The following CELF2 variants were observed in gnomAD, a reference collection of about 807,000 sequenced individuals.
The protein encoded by CELF2 is CUGBP Elav-like family member 2.
Under a neutral mutation model 62.6 loss-of-function variants are expected in CELF2, and 8 were observed. The observed-to-expected ratio is 0.13, with a 90% CI of 0.07 to 0.23. CELF2 has a LOEUF of 0.23. CELF2 is among the 10% of genes least tolerant of loss of function. The pLI, the probability that CELF2 is intolerant of heterozygous loss-of-function variation, is 1.00. For synonymous variants in CELF2, 258 were observed against 250.0 expected (o/e 1.03, Z -0.30); for missense variants, 333 against 671.0 (o/e 0.50, Z 5.56).
At position 11,281,133 on chromosome 10, in the gene CELF2, G is replaced by A. The variant is rs541722542; in HGVS notation, c.841+6013G>A. The stretch of plus-strand genomic sequence containing the variant: ...CACTGCCCCACCCCCAGGCTGTCAT[G>A]CAGTGATTTTCCACTACCACTTGTA... On this transcript the variant is annotated intron_variant, in intron 8 of 12. Coordinates refer to ENST00000633077, the MANE Select transcript of CELF2 (RefSeq NM_001326342.2). Among the ~76,000 whole-genome samples, 19 of 152,222 alleles carry A rather than the reference G, an allele frequency of 1.2e-4. No homozygotes were observed. The East Asian group carries it at 3.5e-3, about 28-fold the overall frequency.
chr10:10,822,904 A>T (rs1186634184), intron 1 of CELF2, among the ~76,000 whole-genome samples: 1 of 152,262 alleles, frequency 6.6e-6, no homozygotes, highest in Non-Finnish European at 1.5e-5. Flanking sequence ...ATTCCAAAGA[A>T]TCTACTTATA....
At chr10:10,737,774 G>A in the CELF2 span, among the ~76,000 whole-genome samples, 1 of 151,588 alleles carries the variant, frequency 6.6e-6, no homozygotes, top group Admixed American at 6.6e-5. Flanking sequence ...TTCTTATTTT[G>A]ACAACCTCTG....
chr10:11,262,174 A>G (rs953937251), intron 5 of CELF2, among the ~76,000 whole-genome samples: 6 of 152,196 alleles, frequency 3.9e-5, no homozygotes, highest in African/African-American at 1.4e-4. Flanking sequence ...TGAATTGGCA[A>G]TATTTTCAGG....
chr10:10,549,576 G>T, the CELF2 span, among the ~76,000 whole-genome samples: 2 of 152,154 alleles, frequency 1.3e-5, no homozygotes, highest in African/African-American at 4.8e-5. Context: ...GAGCCACTGC[G>T]CCCGGCCCCA....
chr10:11,017,034 A>G (rs983657836), upstream of CELF2, among the ~76,000 whole-genome samples: 1 of 152,228 alleles, frequency 6.6e-6, no homozygotes, highest in African/African-American at 2.4e-5. The surrounding 1 kb of genome is among the most constrained non-coding windows in gnomAD (Gnocchi z 5.5). Flanking sequence ...AGAACGATCA[A>G]TTAGAATGTC....
the CELF2 span, among the ~76,000 whole-genome samples, chr10:10,555,096 T>C: frequency 1.3e-5 from 2 of 151,938 alleles, no homozygotes; most frequent in African/African-American, 4.8e-5. Flanking sequence ...ACTTCAAAAA[T>C]TTGCCAAGGG....
At chr10:10,513,357 G>A in the CELF2 span, among the ~76,000 whole-genome samples, 4 of 152,092 alleles carry the variant, frequency 2.6e-5, no homozygotes, top group Non-Finnish European at 5.9e-5. Context: ...AGTACTTCTT[G>A]TATCCTGATA....
chr10:10,502,824 G>A, the CELF2 span, among the ~76,000 whole-genome samples: 58 of 151,974 alleles, frequency 3.8e-4, no homozygotes, highest in Non-Finnish European at 7.4e-4. Flanking sequence ...CTTGAGATGA[G>A]AAGTTACATT....
chr10:10,642,760 C>A, the CELF2 span, among the ~76,000 whole-genome samples: 220 of 152,374 alleles, frequency 1.4e-3, 1 homozygote, highest in African/African-American at 5.2e-3. Flanking sequence ...TTGATATTGG[C>A]TCAAAATGAT....
intron 1 of CELF2, among the ~76,000 whole-genome samples, chr10:10,869,806 C>T (rs1014533962): frequency 6.6e-6 from 1 of 152,034 alleles, no homozygotes; most frequent in Non-Finnish European, 1.5e-5. Context: ...TTTAGAAAAC[C>T]GGCCATGAGT....
At chr10:10,709,094 G>A in the CELF2 span, among the ~76,000 whole-genome samples, 1 of 152,164 alleles carries the variant, frequency 6.6e-6, no homozygotes, top group Admixed American at 6.5e-5. Context: ...TTTGCCAAAT[G>A]CCAATTACAG....
the CELF2 span, among the ~76,000 whole-genome samples, chr10:10,707,379 T>A: frequency 6.6e-6 from 1 of 152,220 alleles, no homozygotes; most frequent in Non-Finnish European, 1.5e-5. Flanking sequence ...AATATTTGTA[T>A]TTTTAATTTG....
At chr10:11,017,850 C>T, upstream of CELF2, 3 of 671,586 alleles carry the variant, frequency 4.5e-6, no homozygotes, top group Non-Finnish European at 5.5e-6. The surrounding 1 kb of genome is among the most constrained non-coding windows in gnomAD (Gnocchi z 5.5). Context: ...GGTTAAGCGG[C>T]GGCGGGCGCC....
intron 2 of CELF2, among the ~76,000 whole-genome samples, chr10:11,186,100 G>A (rs1165704520): frequency 6.6e-6 from 1 of 152,090 alleles, no homozygotes; most frequent in African/African-American, 2.4e-5. Context: ...ACGTGGTCAA[G>A]TTTATTGTCA....
the CELF2 span, among the ~76,000 whole-genome samples, chr10:10,557,562 T>C: frequency 6.6e-6 from 1 of 151,288 alleles, no homozygotes; most frequent in Admixed American, 6.6e-5. Flanking sequence ...TTTTTCCAAT[T>C]CTGTGAAGAA....
chr10:11,126,031 C>T (rs541585020), intron 1 of CELF2, among the ~76,000 whole-genome samples: 1 of 152,262 alleles, frequency 6.6e-6, no homozygotes, highest in East Asian at 1.9e-4. Context: ...TTTCTGTTCA[C>T]TTGACGTAAA....
chr10:10,782,423 C>T, the CELF2 span, among the ~76,000 whole-genome samples: 1 of 152,304 alleles, frequency 6.6e-6, no homozygotes, highest in Middle Eastern at 3.4e-3. Flanking sequence ...CTCTGCCTTT[C>T]TGTTCTAGTC....
In CELF2 at chr10:11,314,567, G is replaced by A. The variant is rs578033881; in HGVS notation, c.1096+309G>A. 3.2e-4 allele frequency: 132 copies of A among 417,108 alleles called. No homozygotes were observed. Among genetic ancestry groups the A allele is most frequent in the Middle Eastern group, 7.6e-4 (1 of 1,316 alleles). 25.8% of individuals were successfully genotyped at this position (417,108 alleles called of 1,614,324 possible). Reference sequence around the variant, plus strand: ...AGTTTGGTTTGGTTTGGTTTCGGTCGGTTCTGTCCTGCGAGGCAGGGTGTT... The same window carrying A: ...AGTTTGGTTTGGTTTGGTTTCGGTCAGTTCTGTCCTGCGAGGCAGGGTGTT... On this transcript the variant is annotated intron_variant, in intron 10 of 12. Coordinates refer to ENST00000633077, the MANE Select transcript of CELF2 (RefSeq NM_001326342.2). The surrounding 1 kb of genome is among the most constrained non-coding windows in gnomAD (Gnocchi z 5.3).
intron 2 of CELF2, among the ~76,000 whole-genome samples, chr10:11,170,354 A>G (rs900940984): frequency 7.9e-5 from 12 of 152,332 alleles, no homozygotes; most frequent in African/African-American, 2.9e-4. Flanking sequence ...TGAAGTCCCA[A>G]TGAATTGAAG....
Sources: allele counts gnomAD v4.1 joint callset (sites outside exome capture counted in the v4.1 genomes callset), GRCh38; gene constraint gnomAD v4.1.1; non-coding constraint Gnocchi (gnomAD v3.1); transcripts MANE v1.5; gene names NCBI Gene and HGNC (gene_info 2026-07-23, HGNC 2026-07-21).